The following SPOCK3 variants were observed in gnomAD, a reference collection of about 807,000 sequenced individuals.
SPOCK3 encodes the protein testican-3.
Under a neutral mutation model 56.6 loss-of-function variants are expected in SPOCK3, and 30 were observed. The ratio of observed to expected loss-of-function variants is 0.53; its 90% CI spans 0.40 to 0.72. The LOEUF is 0.72. SPOCK3 is among the 30% of genes least tolerant of loss of function. The pLI, the probability that SPOCK3 is intolerant of heterozygous loss-of-function variation, is 0.00. For missense variants in SPOCK3, 527 were observed against 530.0 expected, an observed-to-expected ratio of 0.99 and a Z score of 0.06; for synonymous variants, 196 against 183.3, an observed-to-expected ratio of 1.07 and a Z score of -0.56.
At chr4:166,850,772 C>T (rs941472573) in intron 6 of SPOCK3, among the ~76,000 whole-genome samples, 2 of 152,252 alleles carry the variant, frequency 1.3e-5, no homozygotes, top group East Asian at 1.9e-4. Flanking sequence ...GCTTAAAAAA[C>T]GGTGCAACAG....
chr4:167,199,726 A>T (rs1319794488), intron 2 of SPOCK3, among the ~76,000 whole-genome samples: 2 of 144,662 alleles, frequency 1.4e-5, no homozygotes, highest in African/African-American at 5.0e-5. Context: ...AATAATAATA[A>T]TAATAATAAT....
At chr4:166,755,762 T>C (rs1305234045) in intron 7 of SPOCK3, among the ~76,000 whole-genome samples, 1 of 152,036 alleles carries the variant, frequency 6.6e-6, no homozygotes, top group African/African-American at 2.4e-5. Flanking sequence ...TTCTCTCAGA[T>C]TTTGTAGCTA....
At chr4:166,917,442 G>C (rs954182211) in intron 4 of SPOCK3, among the ~76,000 whole-genome samples, 6 of 151,994 alleles carry the variant, frequency 3.9e-5, no homozygotes, top group Non-Finnish European at 7.4e-5. Flanking sequence ...GGATTATGAC[G>C]TAAAAAACCT....
chr4:167,160,704 T>C (rs1256236484), intron 2 of SPOCK3, among the ~76,000 whole-genome samples: 1 of 151,968 alleles, frequency 6.6e-6, no homozygotes, highest in Non-Finnish European at 1.5e-5. Context: ...TATAGACCAA[T>C]GGAACAGAAC....
intron 2 of SPOCK3, among the ~76,000 whole-genome samples, chr4:167,073,093 G>A (rs943684216): frequency 2.0e-5 from 3 of 151,194 alleles, no homozygotes; most frequent in Non-Finnish European, 4.4e-5. Flanking sequence ...TAATACATTT[G>A]TATCATATTA....
At chr4:166,889,916 G>T (rs901223879) in intron 5 of SPOCK3, among the ~76,000 whole-genome samples, 17 of 151,832 alleles carry the variant, frequency 1.1e-4, no homozygotes, top group African/African-American at 4.1e-4. Flanking sequence ...TATTTATGTA[G>T]CCTTTATATA....
chr4:167,218,128 T>C (rs1308306246), intron 2 of SPOCK3, among the ~76,000 whole-genome samples: 1 of 152,170 alleles, frequency 6.6e-6, no homozygotes. Context: ...AGCTTTCTTA[T>C]GTTTCTAACA....
At chr4:166,816,206 C>A (rs1001557628) in intron 6 of SPOCK3, among the ~76,000 whole-genome samples, 4 of 151,682 alleles carry the variant, frequency 2.6e-5, no homozygotes, top group South Asian at 2.1e-4. Flanking sequence ...TATAAAGAGC[C>A]CCTGTTTTGC....
At chr4:167,177,075 G>A (rs1433334553) in intron 2 of SPOCK3, among the ~76,000 whole-genome samples, 1 of 152,078 alleles carries the variant, frequency 6.6e-6, no homozygotes, top group African/African-American at 2.4e-5. Flanking sequence ...GGTGAAAAGT[G>A]TGTGCCAAGT....
chr4:167,119,957 T>A (rs1480026039), intron 2 of SPOCK3: 1 of 872,992 alleles, frequency 1.1e-6, no homozygotes, highest in Non-Finnish European at 1.7e-6. Flanking sequence ...TGAAAATAGC[T>A]ACATTTAAAA....
At chr4:166,851,253 G>C (rs1006539654) in intron 6 of SPOCK3, among the ~76,000 whole-genome samples, 26 of 152,164 alleles carry the variant, frequency 1.7e-4, no homozygotes, top group Non-Finnish European at 3.1e-4. Flanking sequence ...CTGCAGCTGA[G>C]GGTCCTGTCT....
intron 2 of SPOCK3, among the ~76,000 whole-genome samples, chr4:167,166,832 C>T (rs981494240): frequency 1.4e-4 from 22 of 152,100 alleles, no homozygotes; most frequent in African/African-American, 4.8e-4. Context: ...GATTCTGTAG[C>T]GGAATAAAAT....
intron 2 of SPOCK3, among the ~76,000 whole-genome samples, chr4:167,193,636 CATAT>C (rs1732669764): frequency 6.9e-6 from 1 of 145,500 alleles, no homozygotes. Flanking sequence ...TCAGTTTTAC[CATAT>C]ATAGTATTCT....
intron 3 of SPOCK3, among the ~76,000 whole-genome samples, chr4:167,021,762 T>A (rs1180270003): frequency 1.3e-5 from 2 of 151,830 alleles, no homozygotes; most frequent in African/African-American, 2.4e-5. Flanking sequence ...CAAACAGCAA[T>A]CCAAATCAAG....
At chr4:166,854,994 C>G (rs1444173043) in intron 6 of SPOCK3, among the ~76,000 whole-genome samples, 1 of 152,190 alleles carries the variant, frequency 6.6e-6, no homozygotes, top group Non-Finnish European at 1.5e-5. Context: ...CGCCCCACTG[C>G]CTGTCTCAAA....
intron 3 of SPOCK3, among the ~76,000 whole-genome samples, chr4:167,020,574 A>C (rs1230186050): frequency 1.3e-5 from 2 of 152,044 alleles, no homozygotes; most frequent in Non-Finnish European, 2.9e-5. Context: ...CAGTGTTCAT[A>C]CGTCCCTTGT....
chr4:166,787,080 T>C (rs528374424), intron 7 of SPOCK3, among the ~76,000 whole-genome samples: 11 of 152,304 alleles, frequency 7.2e-5, no homozygotes, highest in Non-Finnish European at 1.0e-4. Context: ...CAGATGTAAA[T>C]ATTGAGAATT....
intron 4 of SPOCK3, among the ~76,000 whole-genome samples, chr4:166,944,104 G>A (rs895116676): frequency 5.9e-5 from 9 of 152,056 alleles, no homozygotes; most frequent in East Asian, 5.8e-4. Context: ...ACGGGTTTGC[G>A]CCACTTCACT....
chr4:166,811,234 TTTTC>T (rs1316100394), intron 6 of SPOCK3, among the ~76,000 whole-genome samples: 12 of 151,770 alleles, frequency 7.9e-5, no homozygotes, highest in African/African-American at 2.9e-4. Flanking sequence ...GTCTTTATTC[TTTTC>T]TTTGTTTCTT....
Sources: gnomAD v4.1 joint callset for allele counts (sites outside exome capture counted in the v4.1 genomes callset) on GRCh38, gnomAD v4.1.1 for gene constraint, MANE v1.5 for transcripts, NCBI Gene and HGNC (gene_info 2026-07-23, HGNC 2026-07-21) for gene names.